FAM13C: variants seen among roughly 807,000 people sequenced by gnomAD.
FAM13C encodes the protein protein FAM13C.
FAM13C carries 37 observed loss-of-function variants against 73.2 expected under a neutral mutation model. That is an observed-to-expected ratio of 0.51 (90% confidence interval 0.39 to 0.67). The LOEUF (loss-of-function observed/expected upper bound fraction) is 0.67. Among genes scored for constraint, FAM13C ranks in the 30% least tolerant of loss-of-function variants. FAM13C has a pLI of 0.00. For synonymous variants in FAM13C, 246 were observed against 260.9 expected, an observed-to-expected ratio of 0.94 and a Z score of 0.55; for missense variants, 589 against 715.6, an observed-to-expected ratio of 0.82 and a Z score of 2.02.
chr10:59,291,037 A>G (rs1485615540), intron 5 of FAM13C, among the ~76,000 whole-genome samples: 2 of 152,206 alleles, frequency 1.3e-5, no homozygotes, highest in Non-Finnish European at 2.9e-5. Context: ...TTTCAACACA[A>G]GAAGTCCAAG....
At chr10:59,296,959 A>G (rs1436957266) in intron 5 of FAM13C, 1 of 152,240 alleles carries the variant, frequency 6.6e-6, no homozygotes, top group African/African-American at 2.4e-5. Context: ...TTATTCTATA[A>G]ACACAAAGAG....
chr10:59,355,840 T>G (rs755792590), intron 2 of FAM13C, 47 bp downstream of exon 2: 2 of 1,561,400 alleles, frequency 1.3e-6, no homozygotes, highest in South Asian at 2.2e-5. Context: ...CAGACCTAGA[T>G]GGCTTCTGTC....
intron 13 of FAM13C, among the ~76,000 whole-genome samples, chr10:59,249,408 GAAAAAAAAAAAA>G (rs71006241): frequency 4.3e-4 from 43 of 99,176 alleles, no homozygotes; most frequent in Admixed American, 7.8e-4. Context: ...CGTCTCAAAA[GAAAAAAAAAAAA>G]AAAAAAAAAA....
chr10:59,319,120 TTGTC>T (rs1564576034), intron 4 of FAM13C, among the ~76,000 whole-genome samples: 2 of 104,818 alleles, frequency 1.9e-5, no homozygotes, highest in Non-Finnish European at 3.9e-5. Context: ...CACACACACA[TTGTC>T]TATCTCAAAA....
At chr10:59,341,703 A>G (rs904943322) in intron 3 of FAM13C, among the ~76,000 whole-genome samples, 3 of 152,144 alleles carry the variant, frequency 2.0e-5, no homozygotes, top group Admixed American at 6.5e-5. Flanking sequence ...GAAAAAAGGA[A>G]AAAGAAAGAA....
chr10:59,342,902 C>T (rs1853692920), intron 3 of FAM13C, among the ~76,000 whole-genome samples: 1 of 152,204 alleles, frequency 6.6e-6, no homozygotes, highest in Admixed American at 6.5e-5. Flanking sequence ...GCCTAAAGAA[C>T]ACCCTGCTCT....
chr10:59,293,221 C>T (rs1846492455), intron 5 of FAM13C, among the ~76,000 whole-genome samples: 1 of 150,676 alleles, frequency 6.6e-6, no homozygotes, highest in Non-Finnish European at 1.5e-5. Context: ...CTACAGGCGC[C>T]CACCACCATG....
In FAM13C at chr10:59,352,352, C is replaced by A. The variant is rs761467733; in HGVS notation, c.242G>T (p.Arg81Leu). 1 of 1,614,176 alleles carries A rather than the reference C, an allele frequency of 6.2e-7. No homozygotes were observed. The highest frequency in any genetic ancestry group is 1.7e-5 in the Admixed American group (1 of 60,028). ...EATVLVDSVL[R>L]PSMGNFKSRK... Reference sequence around the variant, plus strand: ...GGACTTGAAGTTGCCCATGCTGGGTCGCAATACGCTGTCCACCAGCACGGT... The same window carrying A: ...GGACTTGAAGTTGCCCATGCTGGGTAGCAATACGCTGTCCACCAGCACGGT... Residue 81 changes from arginine (R) to leucine (L), a missense_variant, in exon 3 of 14, where the codon CGA becomes CTA. By Grantham distance (102) the Arg-to-Leu change is moderately radical (BLOSUM62 -2). Coordinates refer to ENST00000618804, the MANE Select transcript of FAM13C (RefSeq NM_198215.4).
chr10:59,309,657 T>C (rs1848696107), intron 4 of FAM13C, among the ~76,000 whole-genome samples: 1 of 152,354 alleles, frequency 6.6e-6, no homozygotes, highest in South Asian at 2.1e-4. Flanking sequence ...CTTATATATG[T>C]TCTCACTGTA....
intron 6 of FAM13C, among the ~76,000 whole-genome samples, chr10:59,271,602 C>T (rs1843726527): frequency 6.6e-6 from 1 of 152,182 alleles, no homozygotes. Flanking sequence ...AGGCAACACC[C>T]TTGCCATGAA....
chr10:59,311,436 C>T (rs1371305134), intron 4 of FAM13C, among the ~76,000 whole-genome samples: 1 of 152,172 alleles, frequency 6.6e-6, no homozygotes, highest in East Asian at 1.9e-4. Context: ...GCTGAGCAGG[C>T]TACAAGGCAC....
At chr10:59,350,247 C>T (rs1854853344) in intron 3 of FAM13C, among the ~76,000 whole-genome samples, 1 of 152,178 alleles carries the variant, frequency 6.6e-6, no homozygotes, top group South Asian at 2.1e-4. Context: ...CACATTTCTC[C>T]CCTGAAATCT....
upstream of FAM13C, chr10:59,362,616 G>C: frequency 1.4e-6 from 2 of 1,457,948 alleles, no homozygotes; most frequent in Non-Finnish European, 1.8e-6. Flanking sequence ...GACACCCCCA[G>C]CAGGGGCCCA....
At chr10:59,332,759 T>C (rs1014883205) in intron 3 of FAM13C, among the ~76,000 whole-genome samples, 1 of 152,284 alleles carries the variant, frequency 6.6e-6, no homozygotes, top group Non-Finnish European at 1.5e-5. Flanking sequence ...TCAGCACCTA[T>C]GAATATGGCA....
At position 59,302,175 on chromosome 10, in the gene FAM13C, A is replaced by C. The variant is rs188308747; in HGVS notation, c.507+626T>G. The stretch of plus-strand genomic sequence containing the variant: ...AGAGCCAGAGAGAGTATTCCAAACC[A>C]ATGTCTTAAACAATGGCATTCATTA... On this transcript the variant is annotated intron_variant, in intron 5 of 13. Coordinates refer to ENST00000618804, the MANE Select transcript of FAM13C (RefSeq NM_198215.4). Among the ~76,000 whole-genome samples, 9 of 152,354 alleles carry C rather than the reference A, an allele frequency of 5.9e-5. No homozygotes were observed. The East Asian group carries it at 1.5e-3, about 26-fold the overall frequency.
intron 13 of FAM13C, among the ~76,000 whole-genome samples, chr10:59,248,564 T>G (rs1208293476): frequency 2.0e-5 from 3 of 152,218 alleles, no homozygotes; most frequent in Non-Finnish European, 4.4e-5. Context: ...GTTAATAAGA[T>G]AGCCAATCGT....
At chr10:59,359,784 C>G (rs1856173444) in intron 1 of FAM13C, among the ~76,000 whole-genome samples, 1 of 152,234 alleles carries the variant, frequency 6.6e-6, no homozygotes. Context: ...GAGATAAAAC[C>G]TGGGAGACTG....
chr10:59,251,671 A>G lies in FAM13C; in HGVS notation c.1538T>C (p.Val513Ala). The G allele has an allele frequency of 6.2e-7, 1 of 1,609,090 alleles. No individual in the cohort carries two copies. Among genetic ancestry groups the G allele is most frequent in the Non-Finnish European group, 8.5e-7 (1 of 1,177,986 alleles). Residue 513 changes from valine to alanine, a missense_variant, in exon 13 of 14, where the codon GTA (valine) becomes GCA (alanine). Transcript: ENST00000618804. ...MSNLHEATMP[V>A]LLDHLRETRA... Reference sequence around the variant, plus strand: ...AGTTTCTCGGAGATGGTCAAGAAGTACAGGCCTATATAAGGTAAAATACTT... The same window carrying G: ...AGTTTCTCGGAGATGGTCAAGAAGTGCAGGCCTATATAAGGTAAAATACTT...
At chr10:59,308,305 C>T (rs532108296) in intron 4 of FAM13C, among the ~76,000 whole-genome samples, 1 of 151,788 alleles carries the variant, frequency 6.6e-6, no homozygotes, top group Non-Finnish European at 1.5e-5. Flanking sequence ...CAACCATCAC[C>T]ACCACTACTA....
Sources: gnomAD v4.1 joint callset for allele counts (sites outside exome capture counted in the v4.1 genomes callset) on GRCh38, gnomAD v4.1.1 for gene constraint, MANE v1.5 for transcripts, NCBI Gene and HGNC (gene_info 2026-07-23, HGNC 2026-07-21) for gene names.